DLGAP2: variants seen among roughly 807,000 people sequenced by gnomAD.
DLGAP2 encodes disks large-associated protein 2.
In DLGAP2, 26 loss-of-function variants were observed where a neutral mutation model predicts 100.3. The observed-to-expected ratio is 0.26, with a 90% CI of 0.19 to 0.36. DLGAP2 has a LOEUF of 0.36. Ranked by LOEUF, DLGAP2 falls within the 10% of genes least tolerant of loss-of-function variation. The pLI is 1.00. For missense variants in DLGAP2, 1,858 were observed against 1,453.2 expected (o/e 1.28, Z -4.53); for synonymous variants, 886 against 630.1 (o/e 1.41, Z -6.08).
chr8:1,690,185 G>C (rs997834257), intron 12 of DLGAP2, among the ~76,000 whole-genome samples: 1 of 150,958 alleles, frequency 6.6e-6, no homozygotes, highest in African/African-American at 2.4e-5. Context: ...GTGAAACGCT[G>C]TCTCTACTAA....
At chr8:1,223,872 C>A (rs1046606414) in intron 2 of DLGAP2, among the ~76,000 whole-genome samples, 2 of 152,320 alleles carry the variant, frequency 1.3e-5, no homozygotes, top group South Asian at 4.1e-4. Flanking sequence ...TCTATATGTT[C>A]TGTTCTCTAG....
chr8:956,596 AC>A (rs1397767646), intron 2 of DLGAP2, among the ~76,000 whole-genome samples: 1 of 152,152 alleles, frequency 6.6e-6, no homozygotes, highest in Non-Finnish European at 1.5e-5. Context: ...GCATCAAAAC[AC>A]CCCTGAAACC....
At chr8:1,654,894 A>G (rs1006014092) in intron 8 of DLGAP2, among the ~76,000 whole-genome samples, 2 of 151,998 alleles carry the variant, frequency 1.3e-5, no homozygotes, top group African/African-American at 4.8e-5. Flanking sequence ...GAAACATGTG[A>G]CTCTTCCGTT....
chr8:1,214,952 A>T (rs1057156822), intron 2 of DLGAP2, among the ~76,000 whole-genome samples: 2 of 152,224 alleles, frequency 1.3e-5, no homozygotes, highest in Non-Finnish European at 2.9e-5. Flanking sequence ...ACATGCGTTT[A>T]AAAATGCAGT....
At chr8:1,133,698 T>G (rs937984117) in intron 2 of DLGAP2, among the ~76,000 whole-genome samples, 3 of 152,244 alleles carry the variant, frequency 2.0e-5, no homozygotes, top group Non-Finnish European at 2.9e-5. Context: ...CATATTAATA[T>G]TAATCATATG....
chr8:1,313,571 T>G (rs1800661111), intron 3 of DLGAP2, among the ~76,000 whole-genome samples: 1 of 152,210 alleles, frequency 6.6e-6, no homozygotes. Flanking sequence ...AGGTTTTTCC[T>G]GTGGAACACC....
chr8:830,999 G>A (rs1023976212), intron 1 of DLGAP2, among the ~76,000 whole-genome samples: 2 of 150,286 alleles, frequency 1.3e-5, no homozygotes, highest in African/African-American at 2.5e-5. Context: ...GAGTTCAAGC[G>A]ATTCTCCTGC....
intron 1 of DLGAP2, among the ~76,000 whole-genome samples, chr8:795,306 C>T (rs574936871): frequency 1.3e-5 from 2 of 152,304 alleles, no homozygotes; most frequent in East Asian, 1.9e-4. Context: ...GCTGACTCAT[C>T]AGTGCTGAAC....
At chr8:1,314,278 C>G (rs570510686) in intron 3 of DLGAP2, among the ~76,000 whole-genome samples, 3 of 152,168 alleles carry the variant, frequency 2.0e-5, no homozygotes, top group Non-Finnish European at 2.9e-5. Context: ...TGGTCACTGA[C>G]CCTTATAAAG....
At chr8:1,301,378 G>C (rs1243906140) in intron 3 of DLGAP2, 2 of 152,166 alleles carry the variant, frequency 1.3e-5, no homozygotes, top group Admixed American at 6.5e-5. Context: ...GCTCATCTCT[G>C]CTGCAAGTTC....
At chr8:1,127,461 C>T (rs536470698) in intron 2 of DLGAP2, among the ~76,000 whole-genome samples, 31 of 152,084 alleles carry the variant, frequency 2.0e-4, no homozygotes, top group South Asian at 2.1e-4. Context: ...TTCGTGGCCA[C>T]GTTAGAGCCT....
chr8:925,434 C>T (rs962568670), intron 2 of DLGAP2, among the ~76,000 whole-genome samples: 27 of 152,164 alleles, frequency 1.8e-4, no homozygotes, highest in Non-Finnish European at 2.5e-4. Flanking sequence ...AGTTACCTCA[C>T]GGAAGGATGG....
chr8:1,094,194 C>CTGGG, intron 2 of DLGAP2, among the ~76,000 whole-genome samples: 1 of 152,326 alleles, frequency 6.6e-6, no homozygotes, highest in East Asian at 1.9e-4. Flanking sequence ...AGGCAGGGAA[C>CTGGG]TGGGACTGGC....
chr8:1,499,318 GC>G (rs1195804357), intron 3 of DLGAP2, among the ~76,000 whole-genome samples: 1 of 152,194 alleles, frequency 6.6e-6, no homozygotes, highest in African/African-American at 2.4e-5. Flanking sequence ...CCCTGTGAGA[GC>G]CCCTGCCTTG....
rs181723529 is a variant in DLGAP2 at position 1,527,130 on chromosome 8, G to A, written c.173-21496G>A. Among the ~76,000 whole-genome samples the A allele has an allele frequency of 2.2e-3, 330 of 152,330 alleles. 1 individual carries two copies. Among genetic ancestry groups the A allele is most frequent in the South Asian group, 4.1e-3 (20 of 4,826 alleles). On this transcript the variant is annotated intron_variant, in intron 4 of 14. Coordinates refer to ENST00000637795, the MANE Select transcript of DLGAP2 (RefSeq NM_001346810.2). Reference sequence around the variant, plus strand: ...CACATCGTCTACACCGCGGGCTCACGTTCACACGCCCTATCCAACCCTCTC... The same window carrying A: ...CACATCGTCTACACCGCGGGCTCACATTCACACGCCCTATCCAACCCTCTC...
intron 1 of DLGAP2, among the ~76,000 whole-genome samples, chr8:844,799 A>C (rs964422663): frequency 6.6e-6 from 1 of 152,190 alleles, no homozygotes; most frequent in African/African-American, 2.4e-5. Flanking sequence ...CATCTCCCAA[A>C]GAAACCCCAC....
intron 3 of DLGAP2, among the ~76,000 whole-genome samples, chr8:1,420,008 A>T (rs934357594): frequency 1.6e-4 from 24 of 152,296 alleles, no homozygotes; most frequent in African/African-American, 5.8e-4. Flanking sequence ...AAAGAATGAA[A>T]TCCTTAGGGT....
chr8:1,163,670 G>A (rs1250630713), intron 2 of DLGAP2, among the ~76,000 whole-genome samples: 1 of 152,204 alleles, frequency 6.6e-6, no homozygotes, highest in Non-Finnish European at 1.5e-5. Context: ...GCCGGGGATC[G>A]AGAAAACGCT....
chr8:744,804 C>T (rs567076407), intron 1 of DLGAP2, among the ~76,000 whole-genome samples: 87 of 152,362 alleles, frequency 5.7e-4, no homozygotes, highest in Admixed American at 1.7e-3. Context: ...TCATTCCGTC[C>T]TTTCCTCATG....
Sources: gnomAD v4.1 joint callset for allele counts (sites outside exome capture counted in the v4.1 genomes callset) on GRCh38, gnomAD v4.1.1 for gene constraint, MANE v1.5 for transcripts, NCBI Gene and HGNC (gene_info 2026-07-23, HGNC 2026-07-21) for gene names.